ARG2: variants seen among roughly 807,000 people sequenced by gnomAD.
ARG2 encodes the protein arginase 2.
Under a neutral mutation model 39.4 loss-of-function variants are expected in ARG2, and 21 were observed. That is an observed-to-expected ratio of 0.53 (90% CI 0.38 to 0.77). ARG2 has a LOEUF of 0.77. Among genes scored for constraint, ARG2 ranks in the 30% least tolerant of loss-of-function variants. The pLI is 0.00. For synonymous variants in ARG2, 150 were observed against 156.7 expected (o/e 0.96, Z 0.32); for missense variants, 378 against 426.2 (o/e 0.89, Z 1.00).
At chr14:67,648,208 C>T (rs2140785127) in intron 7 of ARG2, 25 bp downstream of exon 7, 1 of 1,604,590 alleles carries the variant, frequency 6.2e-7, no homozygotes, top group Non-Finnish European at 8.5e-7. Context: ...GGTCTGCAGC[C>T]TGTTAACTAC....
At chr14:67,624,856 G>A (rs2036846613) in intron 2 of ARG2, among the ~76,000 whole-genome samples, 1 of 152,206 alleles carries the variant, frequency 6.6e-6, no homozygotes, top group Non-Finnish European at 1.5e-5. Flanking sequence ...ATCTCAGTAA[G>A]AACATTAAGA....
In ARG2 at chr14:67,620,061, G is replaced by C; in HGVS notation, c.84G>C (p.Val28=). ...AGAAATCCGTCCACTCCGTGGCTGT[G>C]ATAGGAGCCCCGTTCTCACAAGGGC... The part of the protein sequence containing the change: ...ILKKSVHSVA[V]IGAPFSQGQK... Residue 28 remains valine (V), a synonymous_variant, in exon 1 of 8, where the codon GTG becomes GTC. Transcript: ENST00000261783. 1 of 1,610,922 alleles carries C rather than the reference G, an allele frequency of 6.2e-7. No individual in the cohort carries two copies. The highest frequency in any genetic ancestry group is 1.1e-5 in the South Asian group (1 of 90,552).
At chr14:67,641,742 C>A (rs1194611194) in intron 2 of ARG2, among the ~76,000 whole-genome samples, 1 of 152,090 alleles carries the variant, frequency 6.6e-6, no homozygotes, top group Non-Finnish European at 1.5e-5. Context: ...AAGTTTGAGA[C>A]CAGCTGGGGC....
Position 67,650,935 on chromosome 14 carries a change from T to G in ARG2, c.*15T>G, listed in dbSNP as rs1204033514. 6.2e-7 allele frequency: 1 copy of G among 1,611,588 alleles called. No individual in the cohort carries two copies. The highest frequency in any genetic ancestry group is 1.1e-5 in the South Asian group (1 of 90,988). ...TGAGAATTTAGGAGACACTGTGCAC[T>G]GACATGTTTCACAACAGGCATTCCA... On this transcript the variant is annotated 3_prime_UTR_variant, in exon 8 of 8. Transcript: ENST00000261783.
At chr14:67,626,435 C>T (rs1003030014) in intron 2 of ARG2, among the ~76,000 whole-genome samples, 7 of 152,180 alleles carry the variant, frequency 4.6e-5, no homozygotes, top group African/African-American at 1.7e-4. Context: ...GGCAGATCCT[C>T]AAAGTTAAAT....
intron 2 of ARG2, among the ~76,000 whole-genome samples, chr14:67,632,805 T>C (rs1196428820): frequency 7.0e-6 from 1 of 142,534 alleles, no homozygotes; most frequent in Non-Finnish European, 1.5e-5. Flanking sequence ...ATTAAGCCTC[T>C]TAATTTTTTT....
At chr14:67,626,852 A>G (rs2036871693) in intron 2 of ARG2, among the ~76,000 whole-genome samples, 1 of 152,230 alleles carries the variant, frequency 6.6e-6, no homozygotes, top group South Asian at 2.1e-4. Context: ...GGGGAGGAAA[A>G]TTTGACATAT....
chr14:67,642,097 T>C, intron 2 of ARG2, 89 bp from the exon 3 acceptor site: 4 of 1,262,454 alleles, frequency 3.2e-6, no homozygotes, highest in Non-Finnish European at 4.5e-6. Context: ...TGATGTGTAC[T>C]TTGTCACGTA....
intron 4 of ARG2, chr14:67,646,330 T>G (rs565019098): frequency 6.3e-6 from 2 of 317,746 alleles, no homozygotes; most frequent in African/African-American, 4.3e-5. Context: ...TGTAAACAAG[T>G]CAGTAATGTG....
intron 2 of ARG2, among the ~76,000 whole-genome samples, chr14:67,624,451 G>A (rs2036842421): frequency 3.3e-5 from 5 of 152,214 alleles, no homozygotes; most frequent in Admixed American, 3.3e-4. Context: ...AGGACATACA[G>A]GCTTCTGCTT....
At chr14:67,647,049 G>A (rs1447991451) in intron 6 of ARG2, 24 bp downstream of exon 6, 1 of 1,475,788 alleles carries the variant, frequency 6.8e-7, no homozygotes, top group South Asian at 1.1e-5. Flanking sequence ...ACTGATGTCA[G>A]GGCAAACCCC....
chr14:67,631,428 TTCTTTC>T (rs1416484092), intron 2 of ARG2, among the ~76,000 whole-genome samples: 2 of 143,982 alleles, frequency 1.4e-5, no homozygotes, highest in African/African-American at 5.3e-5. Flanking sequence ...AATCCTTTCT[TTCTTTC>T]TTTTTTTTTT....
chr14:67,636,372 G>A (rs1043619639), intron 2 of ARG2, among the ~76,000 whole-genome samples: 5 of 152,218 alleles, frequency 3.3e-5, no homozygotes, highest in African/African-American at 1.2e-4. Context: ...GAGCTATTCA[G>A]CCTTGCTGAA....
chr14:67,620,863 C>A, intron 1 of ARG2, 31 bp from the exon 2 acceptor site: 2 of 1,612,844 alleles, frequency 1.2e-6, no homozygotes, highest in Non-Finnish European at 1.7e-6. Context: ...ACCTTCTCTA[C>A]CTCTAATTGT....
At chr14:67,632,699 G>A (rs1267109023) in intron 2 of ARG2, among the ~76,000 whole-genome samples, 1 of 150,240 alleles carries the variant, frequency 6.7e-6, no homozygotes, top group East Asian at 2.0e-4. Context: ...GGCCTATTTA[G>A]TCATTATGAA....
At chr14:67,621,185 G>A (rs901291717) in intron 2 of ARG2, among the ~76,000 whole-genome samples, 1 of 152,154 alleles carries the variant, frequency 6.6e-6, no homozygotes, top group Non-Finnish European at 1.5e-5. Context: ...GGTAGAGTGA[G>A]GCAAGGTCTG....
chr14:67,639,226 C>T (rs77981674), intron 2 of ARG2, among the ~76,000 whole-genome samples: 125 of 152,234 alleles, frequency 8.2e-4, no homozygotes, highest in Middle Eastern at 3.4e-3. Context: ...TTTTCTGTCA[C>T]GTTTATCTGA....
In ARG2 at chr14:67,645,786, G is replaced by A; in HGVS notation, c.506G>A (p.Arg169Lys). Residue 169 changes from arginine (R) to lysine (K), a missense_variant, in exon 4 of 8, where the codon AGA becomes AAA. Arg to Lys is a conservative substitution (Grantham distance 26, BLOSUM62 2). Coordinates refer to ENST00000261783, the MANE Select transcript of ARG2 (RefSeq NM_001172.4). The part of the protein sequence containing the change: ...LHGQPVSFLL[R>K]ELQDKVPQLP... ...GGACAGCCAGTTTCATTTCTCCTCA[G>A]AGAACTACAGGATAAGGTCAGTGGG... 1.9e-6 allele frequency: 3 copies of A among 1,613,918 alleles called. No homozygotes were observed. The highest frequency in any genetic ancestry group is 2.5e-6 in the Non-Finnish European group (3 of 1,179,904).
In ARG2 at chr14:67,651,655, C is replaced by A. The variant is rs2037179108; in HGVS notation, c.*735C>A. 2 of 525,834 alleles carry A rather than the reference C, an allele frequency of 3.8e-6. No homozygotes were observed. The highest frequency in any genetic ancestry group is 6.4e-6 in the Non-Finnish European group (2 of 313,200). The allele number at this position is 525,834 out of a possible 1,614,324, so 32.6% of individuals were successfully genotyped here. On this transcript the variant is annotated 3_prime_UTR_variant, in exon 8 of 8. Coordinates refer to ENST00000261783, the MANE Select transcript of ARG2 (RefSeq NM_001172.4). The stretch of plus-strand genomic sequence containing the variant: ...CTTTAGCTGTCACTTAGGGATAACA[C>A]TGTCTACCTCACAGAAATGTTAAAC...
Sources: allele counts gnomAD v4.1 joint callset (sites outside exome capture counted in the v4.1 genomes callset), GRCh38; gene constraint gnomAD v4.1.1; transcripts MANE v1.5; gene names NCBI Gene and HGNC (gene_info 2026-07-23, HGNC 2026-07-21).